Variants in ROBO1 observed in about 807,000 individuals in gnomAD.
ROBO1 encodes roundabout homolog 1.
In ROBO1, 149 loss-of-function variants were observed where a neutral mutation model predicts 195.9. The ratio of observed to expected loss-of-function variants is 0.76; its 90% confidence interval spans 0.67 to 0.87. The LOEUF (loss-of-function observed/expected upper bound fraction) is 0.87. Among genes scored for constraint, ROBO1 ranks in the 40% least tolerant of loss-of-function variants. The probability of loss-of-function intolerance (pLI) is 0.00; values close to 1 mark genes in which losing one functional copy is unlikely to be tolerated. For missense variants in ROBO1, 1,933 were observed against 2,068.3 expected, an observed-to-expected ratio of 0.93 and a Z score of 1.27; for synonymous variants, 816 against 733.2, an observed-to-expected ratio of 1.11 and a Z score of -1.82.
At chr3:79,275,439 GA>G (rs1222528893) in intron 2 of ROBO1, among the ~76,000 whole-genome samples, 4 of 151,642 alleles carry the variant, frequency 2.6e-5, no homozygotes, top group Non-Finnish European at 4.4e-5. Context: ...ATCCCTTCAT[GA>G]AAAAAACCCT....
intron 3 of ROBO1, among the ~76,000 whole-genome samples, chr3:78,963,924 A>G (rs2041538967): frequency 6.6e-6 from 1 of 152,178 alleles, no homozygotes; most frequent in African/African-American, 2.4e-5. Flanking sequence ...GTACCACAAA[A>G]TGAGTGACTC....
rs370960314 is a variant in ROBO1, at chr3:78,805,751, A to T, written c.500-58851T>A. On this transcript the variant is annotated intron_variant, in intron 4 of 30. Transcript: ENST00000464233. ...GTTTAGGCTCTCTGTATGTTAAAAT[A>T]TACTCTAGATATAGCATATTTAGAT... Among the ~76,000 whole-genome samples the T allele has an allele frequency of 2.6e-5, 4 of 152,270 alleles. No individual in the cohort carries two copies. In the East Asian group the frequency reaches 5.8e-4, roughly 22 times the overall value.
chr3:79,083,437 A>G (rs1015381052), intron 3 of ROBO1, among the ~76,000 whole-genome samples: 2 of 152,144 alleles, frequency 1.3e-5, no homozygotes, highest in African/African-American at 4.8e-5. Flanking sequence ...TGATGGTAAA[A>G]TCCACATTTA....
At chr3:79,487,740 A>G (rs1214538129) in intron 2 of ROBO1, among the ~76,000 whole-genome samples, 2 of 152,174 alleles carry the variant, frequency 1.3e-5, no homozygotes, top group Admixed American at 1.3e-4. Flanking sequence ...CCATAAATAA[A>G]TATGGGAACA....
intron 2 of ROBO1, among the ~76,000 whole-genome samples, chr3:79,544,602 C>T (rs923494881): frequency 1.3e-5 from 2 of 151,384 alleles, no homozygotes; most frequent in African/African-American, 2.4e-5. Context: ...GTAATATTAT[C>T]GATTGTTTAT....
chr3:78,635,958 A>G lies in ROBO1; in HGVS notation c.3188T>C (p.Phe1063Ser), dbSNP rs747252206. The G allele has an allele frequency of 1.7e-5, 27 of 1,613,866 alleles. No individual in the cohort carries two copies. The highest frequency in any genetic ancestry group is 2.3e-5 in the Non-Finnish European group (27 of 1,179,840). The stretch of plus-strand genomic sequence containing the variant: ...AGTAGGCTGCCCTGATGGATTGACA[A>G]AACGCCCATCCTTCAGATTTGGGCT... ...FNSPNLKDGR[F>S]VNPSGQPTPY... The change falls in exon 23 of 31, where the codon TTT becomes TCT. Residue 1063 changes from phenylalanine to serine, a missense_variant. Phe to Ser is a radical substitution (Grantham distance 155). Coordinates refer to ENST00000464233, the MANE Select transcript of ROBO1 (RefSeq NM_002941.4).
At chr3:79,480,181 T>C (rs965924619) in intron 2 of ROBO1, among the ~76,000 whole-genome samples, 3 of 152,174 alleles carry the variant, frequency 2.0e-5, no homozygotes, top group African/African-American at 7.2e-5. Flanking sequence ...GAATGCCAAA[T>C]ACTCTCTTAT....
chr3:79,446,632 C>A (rs2039267315), intron 2 of ROBO1, among the ~76,000 whole-genome samples: 1 of 152,184 alleles, frequency 6.6e-6, no homozygotes, highest in Non-Finnish European at 1.5e-5. Context: ...TCTTGATGTG[C>A]ATGCTAATGA....
At chr3:78,628,555 A>G (rs1704972023) in intron 25 of ROBO1, among the ~76,000 whole-genome samples, 1 of 152,164 alleles carries the variant, frequency 6.6e-6, no homozygotes, top group South Asian at 2.1e-4. Context: ...TATAAGGGCA[A>G]TGAAGTACTA....
chr3:79,650,730 A>G (rs767097585), intron 1 of ROBO1, among the ~76,000 whole-genome samples: 1 of 151,940 alleles, frequency 6.6e-6, no homozygotes, highest in Non-Finnish European at 1.5e-5. Flanking sequence ...CCCCAAAGCA[A>G]TGATATTGAG....
Position 79,273,502 on chromosome 3 carries a change from A to G in ROBO1, c.89-147963T>C, listed in dbSNP as rs558268815. On this transcript the variant is annotated intron_variant, in intron 2 of 30. Transcript: ENST00000464233. ...GCCTCATGGTAACCTCAAATCAAAAATCCTATGACAGATACACAAAAAAAT... is the reference window on the plus strand; with the variant it reads ...GCCTCATGGTAACCTCAAATCAAAAGTCCTATGACAGATACACAAAAAAAT... 2.0e-5 allele frequency among the ~76,000 whole-genome samples: 3 copies of G among 152,204 alleles called. No homozygotes were observed. In the South Asian group the frequency reaches 6.2e-4, roughly 32 times the overall value.
At chr3:79,519,728 T>C (rs1007233042) in intron 2 of ROBO1, among the ~76,000 whole-genome samples, 1 of 151,992 alleles carries the variant, frequency 6.6e-6, no homozygotes, top group Non-Finnish European at 1.5e-5. Flanking sequence ...TGAAAGTGTT[T>C]TTAAATAATT....
intron 29 of ROBO1, among the ~76,000 whole-genome samples, chr3:78,600,698 C>T (rs1238000064): frequency 2.0e-5 from 3 of 152,154 alleles, no homozygotes; most frequent in African/African-American, 7.2e-5. Context: ...GTGATGATAA[C>T]ATCTATACCT....
In ROBO1 at chr3:79,266,678, G is replaced by C. The variant is rs2029989384; in HGVS notation, c.89-141139C>G. Among the ~76,000 whole-genome samples the C allele has an allele frequency of 1.3e-5, 2 of 151,542 alleles. 1 individual carries two copies. Among genetic ancestry groups the C allele is most frequent in the Non-Finnish European group, 3.0e-5 (2 of 67,626 alleles). The stretch of plus-strand genomic sequence containing the variant: ...GAAAATAAATTGATATCCAAACCCT[G>C]AGTAGGTCTATTTGGTTGGTGTCCA... On this transcript the variant is annotated intron_variant, in intron 2 of 30. Coordinates refer to ENST00000464233, the MANE Select transcript of ROBO1 (RefSeq NM_002941.4).
chr3:79,754,553 C>T (rs1024562059), intron 1 of ROBO1, among the ~76,000 whole-genome samples: 2 of 152,132 alleles, frequency 1.3e-5, no homozygotes, highest in Non-Finnish European at 2.9e-5. Flanking sequence ...TGCGAATGAC[C>T]GAGCATCTCA....
intron 2 of ROBO1, among the ~76,000 whole-genome samples, chr3:79,588,105 A>G (rs1193086524): frequency 6.6e-6 from 1 of 151,752 alleles, no homozygotes; most frequent in African/African-American, 2.4e-5. Context: ...ACTGATAACC[A>G]AACTATCACC....
intron 2 of ROBO1, among the ~76,000 whole-genome samples, chr3:79,517,997 G>A (rs755556081): frequency 3.3e-5 from 5 of 152,148 alleles, no homozygotes; most frequent in African/African-American, 4.8e-5. Flanking sequence ...GGCTTGGAGA[G>A]CCATCTGGTG....
intron 16 of ROBO1, 126 bp downstream of exon 16, chr3:78,660,904 T>G: frequency 1.4e-6 from 1 of 701,996 alleles, no homozygotes; most frequent in Non-Finnish European, 2.3e-6. Context: ...TAGCAAAATG[T>G]ATGTTCAATA....
intron 3 of ROBO1, among the ~76,000 whole-genome samples, chr3:79,012,679 G>C (rs1363003367): frequency 1.3e-5 from 2 of 152,178 alleles, no homozygotes; most frequent in Non-Finnish European, 2.9e-5. Flanking sequence ...ACAGAAGTAA[G>C]AGGATTTGTA....
Sources: allele counts gnomAD v4.1 joint callset (sites outside exome capture counted in the v4.1 genomes callset), GRCh38; gene constraint gnomAD v4.1.1; transcripts MANE v1.5; gene names NCBI Gene and HGNC (gene_info 2026-07-23, HGNC 2026-07-21).